The following UTP20 variants were observed in gnomAD, a reference collection of about 807,000 sequenced individuals.
UTP20 encodes the protein UTP20 small subunit processome component.
A neutral mutation model predicts 329.5 loss-of-function variants in UTP20; 164 were observed. The ratio of observed to expected loss-of-function variants is 0.50; its 90% CI spans 0.44 to 0.57. UTP20 has a LOEUF of 0.57. Ranked by LOEUF, UTP20 falls within the 20% of genes least tolerant of loss-of-function variation. The pLI, the probability that UTP20 is intolerant of heterozygous loss-of-function variation, is 0.00. For missense variants in UTP20, 3,055 were observed against 3,284.2 expected, an observed-to-expected ratio of 0.93 and a Z score of 1.71; for synonymous variants, 1,151 against 1,159.3, an observed-to-expected ratio of 0.99 and a Z score of 0.14.
chr12:101,340,863 GT>G (rs1869099549), intron 32 of UTP20, among the ~76,000 whole-genome samples: 1 of 141,444 alleles, frequency 7.1e-6, no homozygotes, highest in African/African-American at 2.5e-5. Context: ...TATTTCCCTT[GT>G]TTAGCTTCTG....
At chr12:101,371,516 C>G in intron 51 of UTP20, among the ~76,000 whole-genome samples, 1 of 128,662 alleles carries the variant, frequency 7.8e-6, no homozygotes, top group Non-Finnish European at 1.6e-5. Context: ...AGATTTGGGG[C>G]TTTGTTCTTT....
chr12:101,332,278 G>A (rs1379833408), intron 27 of UTP20, among the ~76,000 whole-genome samples: 5 of 152,116 alleles, frequency 3.3e-5, no homozygotes, highest in African/African-American at 9.7e-5. Context: ...TGGAGGTTGC[G>A]GTGAGCCCAG....
In UTP20 at chr12:101,329,402, C is replaced by T. The variant is rs1306594701; in HGVS notation, c.3370C>T (p.Leu1124Phe). The T allele has an allele frequency of 4.3e-6, 7 of 1,613,942 alleles. No homozygotes were observed. The highest frequency in any genetic ancestry group is 5.9e-6 in the Non-Finnish European group (7 of 1,179,976). Reference protein sequence around the residue: ...AYLPKILQILLCMTATVSHIL... With the variant: ...AYLPKILQILFCMTATVSHIL... ...CCTGCCGAAGATTTTGCAGATACTG[C>T]TCTGTATGACAGCAACCGTATCACA... Residue 1124 changes from leucine to phenylalanine, a missense_variant, in exon 27 of 62, where the codon CTC becomes TTC. By Grantham distance (22) the Leu-to-Phe change is conservative (BLOSUM62 0). Transcript: ENST00000261637.
intron 55 of UTP20, 126 bp downstream of exon 55, chr12:101,375,065 TAATC>T (rs755255140): frequency 1.2e-5 from 8 of 642,608 alleles, no homozygotes; most frequent in Non-Finnish European, 2.0e-5. Flanking sequence ...TATTTATAGC[TAATC>T]AATTAAATAT....
chr12:101,312,371 T>G (rs1486422028), intron 21 of UTP20, 95 bp downstream of exon 21: 1 of 1,494,012 alleles, frequency 6.7e-7, no homozygotes, highest in African/African-American at 1.4e-5. Context: ...TTCTTTGTTT[T>G]TTGCCTTCTT....
chr12:101,294,876 C>G (rs1363801291), intron 11 of UTP20, among the ~76,000 whole-genome samples: 1 of 152,170 alleles, frequency 6.6e-6, no homozygotes, highest in Non-Finnish European at 1.5e-5. Context: ...TTGCCTCGTT[C>G]TTTAAAAACT....
Position 101,383,083 on chromosome 12 carries a change from C to G in UTP20, c.7699C>G (p.Leu2567Val). ...LLFAAKVLYL[L>V]ELYCEDKQSK... ...GTTCGCAGCCAAAGTCTTGTATTTA[C>G]TGGAACTTTATTGTGAGGATAAGCA... Residue 2567 changes from leucine to valine, a missense_variant, in exon 59 of 62, where the codon CTG becomes GTG. Leu to Val is a conservative substitution (Grantham distance 32, BLOSUM62 1). This residue lies in a region of UTP20 where 337 missense variants were observed against 345.5 expected (regional missense o/e 0.98). Transcript: ENST00000261637. 6.2e-7 allele frequency: 1 copy of G among 1,606,008 alleles called. No homozygotes were observed. Among genetic ancestry groups the G allele is most frequent in the South Asian group, 1.1e-5 (1 of 90,134 alleles).
At chr12:101,343,759 A>G (rs566421859) in intron 35 of UTP20, among the ~76,000 whole-genome samples, 3 of 152,294 alleles carry the variant, frequency 2.0e-5, no homozygotes, top group East Asian at 3.9e-4. Flanking sequence ...CGATCCGCCC[A>G]TCTTGGCCTC....
chr12:101,367,880 G>C lies in UTP20; in HGVS notation c.6288G>C (p.Lys2096Asn). 1.9e-6 allele frequency: 3 copies of C among 1,613,654 alleles called. No homozygotes were observed. The highest frequency in any genetic ancestry group is 2.5e-6 in the Non-Finnish European group (3 of 1,179,660). ...CTTAGCTGCTGCATCTGAGTCTGAA[G>C]ACTTCCAAGATCAAGTCTTCAGGTG... ...SGLRLLHLSL[K>N]TSKIKSSGEC... Residue 2096 changes from lysine to asparagine, a missense_variant, in exon 48 of 62, where the codon AAG becomes AAC. By Grantham distance (94) the Lys-to-Asn change is moderately conservative. Coordinates refer to ENST00000261637, the MANE Select transcript of UTP20 (RefSeq NM_014503.3).
intron 18 of UTP20, 136 bp from the exon 19 acceptor site, chr12:101,309,627 C>A: frequency 3.0e-6 from 2 of 675,366 alleles, no homozygotes; most frequent in Non-Finnish European, 2.4e-6. Flanking sequence ...TGGATTGGTG[C>A]CTGCAACTTT....
intron 54 of UTP20, among the ~76,000 whole-genome samples, chr12:101,374,221 C>T (rs1388230215): frequency 2.0e-5 from 3 of 148,176 alleles, no homozygotes; most frequent in Non-Finnish European, 3.0e-5. Flanking sequence ...GGCGACAGAG[C>T]GAGACTCCGT....
chr12:101,325,997 A>T (rs2137264119), intron 25 of UTP20, among the ~76,000 whole-genome samples: 1 of 152,342 alleles, frequency 6.6e-6, no homozygotes, highest in South Asian at 2.1e-4. Flanking sequence ...TTTCTGCATA[A>T]CTTAGTAAAC....
intron 11 of UTP20, among the ~76,000 whole-genome samples, chr12:101,293,923 AC>A (rs1023840874): frequency 6.6e-6 from 1 of 152,072 alleles, no homozygotes; most frequent in Non-Finnish European, 1.5e-5. Context: ...AATACTGCTT[AC>A]ACGTCTGTAG....
chr12:101,320,170 A>G (rs1320290157), intron 23 of UTP20, among the ~76,000 whole-genome samples: 1 of 152,186 alleles, frequency 6.6e-6, no homozygotes, highest in African/African-American at 2.4e-5. Context: ...TTCTTCTGGC[A>G]TCTTATTGAC....
chr12:101,312,236 C>T lies in UTP20; in HGVS notation c.2512C>T (p.Arg838Trp), dbSNP rs778411929. ...CAAATTCCCAGAAAGAGTAGAGCCA[C>T]GGTCCAGGGAGCTTTCCCCGCTTTT... ...LTKFPERVEPRSRELSPLFLR... is the reference protein window; with the variant it reads ...LTKFPERVEPWSRELSPLFLR... Residue 838 changes from arginine (R) to tryptophan (W), a missense_variant, in exon 21 of 62, where the codon CGG becomes TGG. Physicochemically the swap from Arg to Trp is moderately radical, Grantham distance 101. Around this residue, in one of 3 missense-constraint regions of UTP20, gnomAD observed 2,445 missense variants for 2,575.5 expected, o/e 0.95. Coordinates refer to ENST00000261637, the MANE Select transcript of UTP20 (RefSeq NM_014503.3). 1.4e-5 allele frequency: 23 copies of T among 1,614,180 alleles called. No individual in the cohort carries two copies. The highest frequency in any genetic ancestry group is 5.0e-5 in the Admixed American group (3 of 60,024).
chr12:101,315,989 G>A (rs964554197), intron 21 of UTP20, among the ~76,000 whole-genome samples: 1 of 152,140 alleles, frequency 6.6e-6, no homozygotes, highest in Non-Finnish European at 1.5e-5. Context: ...TCTAAGGAAC[G>A]TTTAATACTG....
At chr12:101,385,290 G>C (rs947370095) in intron 60 of UTP20, among the ~76,000 whole-genome samples, 2 of 152,108 alleles carry the variant, frequency 1.3e-5, no homozygotes, top group African/African-American at 4.8e-5. Flanking sequence ...TGGGAAGTGG[G>C]CCTCATGTTC....
chr12:101,297,724 C>T (rs1872402617), intron 12 of UTP20, among the ~76,000 whole-genome samples: 1 of 152,186 alleles, frequency 6.6e-6, no homozygotes, highest in Admixed American at 6.5e-5. Flanking sequence ...AGATTCCTTG[C>T]ACATGCCAAA....
At chr12:101,332,277 C>T (rs1328403801) in intron 27 of UTP20, among the ~76,000 whole-genome samples, 3 of 152,118 alleles carry the variant, frequency 2.0e-5, no homozygotes, top group South Asian at 2.1e-4. Context: ...GTGGAGGTTG[C>T]GGTGAGCCCA....
Sources: gnomAD v4.1 joint callset for allele counts (sites outside exome capture counted in the v4.1 genomes callset) on GRCh38, gnomAD v4.1.1 for gene constraint, gnomAD v4.1.1 regional missense constraint, MANE v1.5 for transcripts, NCBI Gene and HGNC (gene_info 2026-07-23, HGNC 2026-07-21) for gene names.